CATSPERB: variants seen among roughly 807,000 people sequenced by gnomAD.
The protein encoded by CATSPERB is catsper channel auxiliary subunit beta.
A neutral mutation model predicts 128.3 loss-of-function variants in CATSPERB; 93 were observed. The ratio of observed to expected loss-of-function variants is 0.72; its 90% CI spans 0.61 to 0.86. The LOEUF (loss-of-function observed/expected upper bound fraction) is 0.86, where lower values mean the gene tolerates loss of function less well. Among genes scored for constraint, CATSPERB ranks in the 40% least tolerant of loss-of-function variants. The probability of loss-of-function intolerance (pLI) is 0.00; values close to 1 mark genes in which losing one functional copy is unlikely to be tolerated. For synonymous variants in CATSPERB, 381 were observed against 448.8 expected (o/e 0.85, Z 1.91); for missense variants, 1,153 against 1,329.5 (o/e 0.87, Z 2.06).
chr14:91,606,193 A>C (rs1893699961), intron 22 of CATSPERB, among the ~76,000 whole-genome samples: 1 of 151,738 alleles, frequency 6.6e-6, no homozygotes, highest in Non-Finnish European at 1.5e-5. Context: ...CAAACAAACA[A>C]ATAAAATGCA....
chr14:91,600,463 AT>A (rs1212424238), intron 22 of CATSPERB, among the ~76,000 whole-genome samples: 1 of 152,214 alleles, frequency 6.6e-6, no homozygotes, highest in Non-Finnish European at 1.5e-5. Flanking sequence ...AGACTGGGTA[AT>A]TTATAAAGAA....
chr14:91,664,757 C>T (rs1809483450), intron 14 of CATSPERB, among the ~76,000 whole-genome samples: 1 of 152,130 alleles, frequency 6.6e-6, no homozygotes, highest in Admixed American at 6.5e-5. Flanking sequence ...AAGAGTTGTT[C>T]CAATTCCTTG....
At chr14:91,686,277 G>A (rs1462261757) in intron 10 of CATSPERB, among the ~76,000 whole-genome samples, 9 of 152,130 alleles carry the variant, frequency 5.9e-5, no homozygotes, top group African/African-American at 1.9e-4. Context: ...CTACATGAAA[G>A]TAGGGACTTT....
At chr14:91,698,921 G>C (rs1895603882) in intron 7 of CATSPERB, among the ~76,000 whole-genome samples, 2 of 152,114 alleles carry the variant, frequency 1.3e-5, no homozygotes, top group Admixed American at 6.6e-5. Context: ...CTTGCTCATA[G>C]CTTAGCTCCC....
intron 22 of CATSPERB, chr14:91,604,545 G>C: frequency 6.2e-7 from 1 of 1,607,862 alleles, no homozygotes; most frequent in South Asian, 1.1e-5. Context: ...TCACTGGCAG[G>C]AGAATTTGGC....
intron 20 of CATSPERB, among the ~76,000 whole-genome samples, chr14:91,617,370 T>G (rs1331030749): frequency 6.6e-6 from 1 of 152,210 alleles, no homozygotes; most frequent in African/African-American, 2.4e-5. Flanking sequence ...CTTTTAAGTT[T>G]GATAAATATA....
intron 2 of CATSPERB, 100 bp from the exon 3 acceptor site, chr14:91,725,268 G>C: frequency 2.0e-6 from 1 of 492,600 alleles, no homozygotes; most frequent in Non-Finnish European, 3.4e-6. Flanking sequence ...TAAGGAATAA[G>C]AATTATAATT....
rs549445346 is a variant in CATSPERB, at chr14:91,729,976, G to A, written c.1-497C>T. 3.3e-5 allele frequency among the ~76,000 whole-genome samples: 5 copies of A among 152,256 alleles called. No individual in the cohort carries two copies. The East Asian group carries it at 9.6e-4, about 29-fold the overall frequency. The stretch of plus-strand genomic sequence containing the variant: ...TGTAGCCACCAGCCTTGAGGGATGA[G>A]GTAAGGCACCCTGGACAACAGCAGG... On this transcript the variant is annotated intron_variant, in intron 1 of 26. Transcript: ENST00000256343.
chr14:91,724,087 T>A (rs142950115), intron 3 of CATSPERB, among the ~76,000 whole-genome samples: 1,621 of 152,184 alleles, frequency 0.011, 32 homozygotes, highest in African/African-American at 0.037. Flanking sequence ...AACATTAAAC[T>A]TTTTTTTAAA....
intron 14 of CATSPERB, among the ~76,000 whole-genome samples, chr14:91,667,687 G>A (rs372229574): frequency 1.3e-5 from 2 of 152,180 alleles, no homozygotes; most frequent in South Asian, 2.1e-4. Flanking sequence ...GCTGAGAAAG[G>A]AGGACTCTGC....
At chr14:91,695,194 A>T (rs1895541967) in intron 7 of CATSPERB, among the ~76,000 whole-genome samples, 3 of 150,576 alleles carry the variant, frequency 2.0e-5, no homozygotes, top group South Asian at 4.2e-4. Flanking sequence ...CAGTGGCGCA[A>T]TCTCCACTCA....
chr14:91,611,167 A>G (rs1893818683), intron 20 of CATSPERB, among the ~76,000 whole-genome samples: 1 of 152,248 alleles, frequency 6.6e-6, no homozygotes, highest in Non-Finnish European at 1.5e-5. Context: ...GAAAAGAAAT[A>G]CAAAAAGACA....
In CATSPERB at chr14:91,693,232, A is replaced by G; in HGVS notation, c.725T>C (p.Leu242Pro). The G allele has an allele frequency of 6.2e-7, 1 of 1,611,498 alleles. No individual in the cohort carries two copies. Among genetic ancestry groups the G allele is most frequent in the Non-Finnish European group, 8.5e-7 (1 of 1,177,878 alleles). ...YSQLQEEYEDLSLVDMVLTNH... is the reference protein window; with the variant it reads ...YSQLQEEYEDPSLVDMVLTNH... ...CGTTAAAACCATATCCACCAATGAAAGGTCTTCATATTCTAAACGAAGAAA... is the reference window on the plus strand; with the variant it reads ...CGTTAAAACCATATCCACCAATGAAGGGTCTTCATATTCTAAACGAAGAAA... The change falls in exon 9 of 27, where the codon CTT (leucine) becomes CCT (proline). Residue 242 changes from leucine (L) to proline (P), a missense_variant. Coordinates refer to ENST00000256343, the MANE Select transcript of CATSPERB (RefSeq NM_024764.4).
chr14:91,686,835 A>C (rs1428258762), intron 10 of CATSPERB, among the ~76,000 whole-genome samples: 10 of 152,242 alleles, frequency 6.6e-5, no homozygotes, highest in Non-Finnish European at 2.9e-5. Flanking sequence ...GTAATAGCAA[A>C]ATATTGGGAA....
intron 22 of CATSPERB, chr14:91,603,159 A>G: frequency 1.3e-6 from 1 of 787,064 alleles, no homozygotes; most frequent in Non-Finnish European, 2.4e-6. Flanking sequence ...ACCTTCATGT[A>G]TCTTTTACTA....
At chr14:91,624,628 G>A (rs1433281496) in intron 18 of CATSPERB, among the ~76,000 whole-genome samples, 192 bp downstream of exon 18, 6 of 149,686 alleles carry the variant, frequency 4.0e-5, no homozygotes, top group South Asian at 2.1e-4. Flanking sequence ...GCGATAGAGC[G>A]AGACTCCATT....
rs191821205 is a variant in CATSPERB at position 91,705,031 on chromosome 14, G to A, written c.467-330C>T. Among the ~76,000 whole-genome samples the A allele has an allele frequency of 3.3e-4, 50 of 151,984 alleles. 1 individual carries two copies. In the East Asian group the frequency reaches 8.7e-3, roughly 26 times the overall value. On this transcript the variant is annotated intron_variant, in intron 6 of 26. Transcript: ENST00000256343. ...ATGGAATTGCTGGATCACAGAATAC[G>A]CACATTTATAACTTCTGAGCCCACT...
chr14:91,646,853 G>C (rs967488772), intron 15 of CATSPERB, among the ~76,000 whole-genome samples: 2 of 152,190 alleles, frequency 1.3e-5, no homozygotes, highest in Non-Finnish European at 2.9e-5. Context: ...ATTTGCTATA[G>C]CTTCTTTCCC....
At chr14:91,672,783 C>T in intron 13 of CATSPERB, 84 bp downstream of exon 13, 3 of 1,140,554 alleles carry the variant, frequency 2.6e-6, no homozygotes, top group East Asian at 2.7e-5. Flanking sequence ...CCAGACATAA[C>T]AAGAACTTGA....
Sources: gnomAD v4.1 joint callset for allele counts (sites outside exome capture counted in the v4.1 genomes callset) on GRCh38, gnomAD v4.1.1 for gene constraint, MANE v1.5 for transcripts, NCBI Gene and HGNC (gene_info 2026-07-23, HGNC 2026-07-21) for gene names.